Variants in ABHD5 observed in about 807,000 individuals in gnomAD.
ABHD5 encodes abhydrolase domain containing 5, lysophosphatidic acid acyltransferase, also known as 1-acylglycerol-3-phosphate O-acyltransferase ABHD5.
In ABHD5, 30 loss-of-function variants were observed where a neutral mutation model predicts 44.9. The ratio of observed to expected loss-of-function variants is 0.67; its 90% CI spans 0.50 to 0.91. The LOEUF is 0.91. Ranked by LOEUF, ABHD5 falls within the 40% of genes least tolerant of loss-of-function variation. The pLI, the probability that ABHD5 is intolerant of heterozygous loss-of-function variation, is 0.00. For synonymous variants in ABHD5, 167 were observed against 147.0 expected (o/e 1.14, Z -0.99); for missense variants, 399 against 423.4 (o/e 0.94, Z 0.50).
intron 2 of ABHD5, among the ~76,000 whole-genome samples, chr3:43,699,929 T>C (rs1405433770): frequency 6.6e-6 from 1 of 152,218 alleles, no homozygotes; most frequent in Non-Finnish European, 1.5e-5. Context: ...CTTAGTATTA[T>C]GATGAAAATA....
chr3:43,716,514 T>G (rs186304726), intron 5 of ABHD5, among the ~76,000 whole-genome samples: 1 of 152,276 alleles, frequency 6.6e-6, no homozygotes, highest in Non-Finnish European at 1.5e-5. Flanking sequence ...CCTACTTTAT[T>G]AAAAAGATTG....
rs1281311005 is a variant in ABHD5, at chr3:43,719,936, T to A, written c.*1404T>A. 1 of 152,206 alleles carries A rather than the reference T, an allele frequency of 6.6e-6. No individual in the cohort carries two copies. Among genetic ancestry groups the A allele is most frequent in the Admixed American group, 6.5e-5 (1 of 15,274 alleles). 9.4% of individuals were successfully genotyped at this position (152,206 alleles called of 1,614,324 possible). ...AATGGTTAATTAGGGAATTTGTAGT[T>A]GTTAGGAAATGTAAGGTTGTGTCAC... On this transcript the variant is annotated 3_prime_UTR_variant, in exon 7 of 7. Coordinates refer to ENST00000644371, the MANE Select transcript of ABHD5 (RefSeq NM_016006.6).
At chr3:43,712,199 G>A (rs946358571) in intron 4 of ABHD5, among the ~76,000 whole-genome samples, 3 of 152,120 alleles carry the variant, frequency 2.0e-5, no homozygotes, top group Non-Finnish European at 4.4e-5. Flanking sequence ...CTAGTCCAGG[G>A]CCTGGGAGAA....
chr3:43,702,195 C>G lies in ABHD5; in HGVS notation c.134-20C>G. 1 of 1,568,604 alleles carries G rather than the reference C, an allele frequency of 6.4e-7. No homozygotes were observed. Among genetic ancestry groups the G allele is most frequent in the Non-Finnish European group, 8.7e-7 (1 of 1,154,794 alleles). Reference sequence around the variant, plus strand: ...GAAGTAATAAAATGAAACAGAATTTCTCTTTTATGTTTTCATTAGGTGTGC... The same window carrying G: ...GAAGTAATAAAATGAAACAGAATTTGTCTTTTATGTTTTCATTAGGTGTGC... On this transcript the variant is annotated intron_variant, in intron 2 of 6. Transcript: ENST00000644371.
chr3:43,714,440 G>A (rs1180826004), intron 4 of ABHD5, among the ~76,000 whole-genome samples: 2 of 152,016 alleles, frequency 1.3e-5, no homozygotes, highest in African/African-American at 2.4e-5. Flanking sequence ...GGTGTCCTCG[G>A]CTTTTTCTAG....
chr3:43,727,223 T>C (rs2084884059), downstream of ABHD5, among the ~76,000 whole-genome samples: 1 of 152,206 alleles, frequency 6.6e-6, no homozygotes, highest in Non-Finnish European at 1.5e-5. Flanking sequence ...AATGCTGGTC[T>C]CTATTTCAAA....
In ABHD5 at chr3:43,720,714, T is replaced by G. The variant is rs2084825403; in HGVS notation, c.*2182T>G. ...AGTCACAACAAGACAGCTGTATAGT[T>G]TCTTGAGTCTTTTGTATGGACCAGT... On this transcript the variant is annotated 3_prime_UTR_variant, in exon 7 of 7. Coordinates refer to ENST00000644371, the MANE Select transcript of ABHD5 (RefSeq NM_016006.6). 1 of 152,200 alleles carries G rather than the reference T, an allele frequency of 6.6e-6. No individual in the cohort carries two copies. Among genetic ancestry groups the G allele is most frequent in the Admixed American group, 6.5e-5 (1 of 15,280 alleles). 9.4% of individuals were successfully genotyped at this position (152,200 alleles called of 1,614,324 possible).
chr3:43,704,033 C>CTTTTTTTTTT (rs10544525), intron 3 of ABHD5, among the ~76,000 whole-genome samples: 62 of 84,846 alleles, frequency 7.3e-4, no homozygotes, highest in Non-Finnish European at 9.3e-4. Flanking sequence ...TCTTTATTTT[C>CTTTTTTTTTT]TTTTTTTTTT....
chr3:43,706,207 C>A (rs777553948), intron 3 of ABHD5, among the ~76,000 whole-genome samples: 3 of 152,138 alleles, frequency 2.0e-5, no homozygotes, highest in Non-Finnish European at 4.4e-5. Context: ...TAGAGCAGTC[C>A]GCTTGGTATC....
chr3:43,727,987 AACC>A (rs1259372818), intron 7 of ABHD5, among the ~76,000 whole-genome samples: 1 of 152,166 alleles, frequency 6.6e-6, no homozygotes, highest in Non-Finnish European at 1.5e-5. Context: ...CTTGTCTGGA[AACC>A]ACCATTTCTG....
chr3:43,702,852 T>C (rs973947263), intron 3 of ABHD5, among the ~76,000 whole-genome samples: 1 of 151,926 alleles, frequency 6.6e-6, no homozygotes, highest in African/African-American at 2.4e-5. Flanking sequence ...TAATGTATAA[T>C]TTTAAGCCAC....
intron 3 of ABHD5, 118 bp downstream of exon 3, chr3:43,702,705 C>T (rs2084559923): frequency 7.1e-7 from 1 of 1,411,394 alleles, no homozygotes; most frequent in East Asian, 2.3e-5. Context: ...TCTTAAAGGA[C>T]CCTATAGACC....
chr3:43,695,985 CT>C (rs937125091), intron 1 of ABHD5, among the ~76,000 whole-genome samples: 1 of 152,112 alleles, frequency 6.6e-6, no homozygotes, highest in South Asian at 2.1e-4. Context: ...AGAATCCTTT[CT>C]TTTTTTGTTT....
intron 3 of ABHD5, among the ~76,000 whole-genome samples, chr3:43,708,008 T>A (rs532843403): frequency 6.6e-6 from 1 of 152,342 alleles, no homozygotes; most frequent in South Asian, 2.1e-4. Context: ...TCTACCCTTG[T>A]TAGCATTTAG....
chr3:43,712,275 A>T (rs1351334618), intron 4 of ABHD5, among the ~76,000 whole-genome samples: 1 of 152,198 alleles, frequency 6.6e-6, no homozygotes, highest in Non-Finnish European at 1.5e-5. Flanking sequence ...ACCATTTGGT[A>T]CCATAAAACC....
Position 43,717,753 on chromosome 3 carries a change from C to T in ABHD5, c.856C>T (p.Pro286Ser), listed in dbSNP as rs750266230. 6 of 1,614,134 alleles carry T rather than the reference C, an allele frequency of 3.7e-6. No homozygotes were observed. Among genetic ancestry groups the T allele is most frequent in the Non-Finnish European group, 4.2e-6 (5 of 1,180,042 alleles). ...GCTCCAGCGAATTGGTAAAATGCACCCTGACATTCCAGTTTCAGTGATCTT... is the reference window on the plus strand; with the variant it reads ...GCTCCAGCGAATTGGTAAAATGCACTCTGACATTCCAGTTTCAGTGATCTT... Reference protein sequence around the residue: ...PMLQRIGKMHPDIPVSVIFGA... With the variant: ...PMLQRIGKMHSDIPVSVIFGA... The change falls in exon 6 of 7, where the codon CCT (proline) becomes TCT (serine). Residue 286 changes from proline to serine, a missense_variant. By Grantham distance (74) the Pro-to-Ser change is moderately conservative. Transcript: ENST00000644371.
downstream of ABHD5, chr3:43,722,761 T>C (rs2084851383): frequency 6.6e-6 from 1 of 152,224 alleles, no homozygotes; most frequent in Non-Finnish European, 1.5e-5. Context: ...ATATTGGTAG[T>C]GTCATTTGGG....
chr3:43,720,701 A>G lies in ABHD5; in HGVS notation c.*2169A>G, dbSNP rs910686387. 3.3e-5 allele frequency: 5 copies of G among 152,170 alleles called. No individual in the cohort carries two copies. The highest frequency in any genetic ancestry group is 1.2e-4 in the African/African-American group (5 of 41,422). The allele number at this position is 152,170 out of a possible 1,614,324, so 9.4% of individuals were successfully genotyped here. ...ATTTTCCTGTGATAGTCACAACAAG[A>G]CAGCTGTATAGTTTCTTGAGTCTTT... On this transcript the variant is annotated 3_prime_UTR_variant, in exon 7 of 7. Transcript: ENST00000644371.
At chr3:43,708,412 G>A (rs2084649038) in intron 3 of ABHD5, among the ~76,000 whole-genome samples, 2 of 152,180 alleles carry the variant, frequency 1.3e-5, no homozygotes, top group Non-Finnish European at 2.9e-5. Flanking sequence ...TATCAAGTGA[G>A]GAGATAATAT....
Sources: gnomAD v4.1 joint callset for allele counts (sites outside exome capture counted in the v4.1 genomes callset) on GRCh38, gnomAD v4.1.1 for gene constraint, MANE v1.5 for transcripts, NCBI Gene and HGNC (gene_info 2026-07-23, HGNC 2026-07-21) for gene names.